Variants in NRXN3 observed in about 807,000 individuals in gnomAD.
NRXN3 encodes the protein neurexin III.
NRXN3 carries 32 observed loss-of-function variants against 137.6 expected under a neutral mutation model. The ratio of observed to expected loss-of-function variants is 0.23; its 90% CI spans 0.18 to 0.31. The LOEUF is 0.31. NRXN3 is among the 10% of genes least tolerant of loss of function. The probability of loss-of-function intolerance (pLI) is 1.00; values close to 1 mark genes in which losing one functional copy is unlikely to be tolerated. For synonymous variants in NRXN3, 798 were observed against 784.5 expected (o/e 1.02, Z -0.29); for missense variants, 1,574 against 2,062.5 (o/e 0.76, Z 4.59).
At chr14:79,129,598 G>C (rs1255603976) in intron 15 of NRXN3, among the ~76,000 whole-genome samples, 29 of 133,496 alleles carry the variant, frequency 2.2e-4, no homozygotes, top group Non-Finnish European at 4.3e-4. Flanking sequence ...TTACTTCCAA[G>C]TATGTGGTCA....
intron 15 of NRXN3, among the ~76,000 whole-genome samples, chr14:79,325,151 A>G (rs538067800): frequency 1.1e-3 from 171 of 152,304 alleles, no homozygotes; most frequent in African/African-American, 4.0e-3. Flanking sequence ...TGAAAAATAA[A>G]CATTAGAAAT....
intron 10 of NRXN3, among the ~76,000 whole-genome samples, chr14:78,837,086 G>A (rs976536463): frequency 6.6e-6 from 1 of 152,180 alleles, no homozygotes; most frequent in Non-Finnish European, 1.5e-5. Flanking sequence ...GAGTTGGGCG[G>A]AGATTAGTGT....
chr14:78,573,286 A>G (rs2096906746), intron 4 of NRXN3, among the ~76,000 whole-genome samples: 1 of 152,204 alleles, frequency 6.6e-6, no homozygotes, highest in Non-Finnish European at 1.5e-5. Context: ...GAGTTCTGCT[A>G]TAAAGATACC....
At chr14:78,946,105 T>C (rs2099364622) in intron 10 of NRXN3, among the ~76,000 whole-genome samples, 1 of 152,218 alleles carries the variant, frequency 6.6e-6, no homozygotes, top group African/African-American at 2.4e-5. Context: ...TTTATGGGAT[T>C]GACGTGAGTA....
intron 16 of NRXN3, among the ~76,000 whole-genome samples, chr14:79,534,814 A>G (rs1359185061): frequency 2.0e-5 from 3 of 152,212 alleles, no homozygotes; most frequent in African/African-American, 7.2e-5. Context: ...TTGTATGACA[A>G]TGAATCAGGA....
chr14:78,910,868 A>T (rs1051732269), intron 10 of NRXN3, among the ~76,000 whole-genome samples: 1 of 152,126 alleles, frequency 6.6e-6, no homozygotes, highest in Non-Finnish European at 1.5e-5. Context: ...AAAACTTCCA[A>T]ACATGTTTCA....
intron 8 of NRXN3, among the ~76,000 whole-genome samples, chr14:78,723,876 T>C (rs755625568): frequency 2.6e-5 from 4 of 152,152 alleles, no homozygotes; most frequent in African/African-American, 9.7e-5. Flanking sequence ...GAGTTTAAAA[T>C]TGAGAAGGTT....
intron 16 of NRXN3, among the ~76,000 whole-genome samples, chr14:79,546,247 T>A (rs1234468834): frequency 6.6e-6 from 1 of 152,172 alleles, no homozygotes; most frequent in Non-Finnish European, 1.5e-5. Context: ...AGTTATGCAA[T>A]TTTGGGCCAT....
rs116056701 is a variant in NRXN3 at position 78,604,063 on chromosome 14, T to A, written c.758-41057T>A. Among the ~76,000 whole-genome samples, 627 of 152,246 alleles carry A rather than the reference T, an allele frequency of 4.1e-3. 7 individuals are homozygous for A. The highest frequency in any genetic ancestry group is 0.014 in the African/African-American group (602 of 41,546). On this transcript the variant is annotated intron_variant, in intron 4 of 20. Transcript: ENST00000335750. ...ATGAAGGAAGAGCAAAGGGATGTCT[T>A]ACACGGAGGCAGGCTAGAGAGAATT...
In NRXN3 at chr14:79,295,891, G is replaced by T. The variant is rs752368678; in HGVS notation, c.3263-171330G>T. Among the ~76,000 whole-genome samples, 18 of 151,886 alleles carry T rather than the reference G, an allele frequency of 1.2e-4. 1 individual carries two copies. Among genetic ancestry groups the T allele is most frequent in the Admixed American group, 1.3e-4 (2 of 15,246 alleles). On this transcript the variant is annotated intron_variant, in intron 15 of 20. Coordinates refer to ENST00000335750, the MANE Select transcript of NRXN3 (RefSeq NM_001330195.2). ...CCAGCCTTCTGTGTTTACTTTTTTC[G>T]CTATAGAAGTTTTCTCATTGAATAA...
chr14:79,781,862 C>T (rs1395550882), intron 19 of NRXN3, among the ~76,000 whole-genome samples: 1 of 152,150 alleles, frequency 6.6e-6, no homozygotes. Flanking sequence ...CTTGTCTATT[C>T]TATGGATGGG....
intron 6 of NRXN3, among the ~76,000 whole-genome samples, chr14:78,685,409 C>T (rs554779185): frequency 1.3e-5 from 2 of 152,198 alleles, no homozygotes; most frequent in Non-Finnish European, 2.9e-5. Flanking sequence ...AGACCTTGTA[C>T]AATCTGGCCC....
At chr14:79,820,619 G>A (rs1256194012) in intron 20 of NRXN3, among the ~76,000 whole-genome samples, 1 of 152,106 alleles carries the variant, frequency 6.6e-6, no homozygotes, top group Non-Finnish European at 1.5e-5. Flanking sequence ...TAGGTATTAA[G>A]CCCAGTATCA....
chr14:78,437,814 G>T (rs1332800117), intron 4 of NRXN3, among the ~76,000 whole-genome samples: 1 of 152,158 alleles, frequency 6.6e-6, no homozygotes, highest in African/African-American at 2.4e-5. Context: ...AATTTCCCAG[G>T]TGATTTTTCA....
chr14:78,248,786 C>T (rs2068121543), intron 2 of NRXN3, among the ~76,000 whole-genome samples: 1 of 152,046 alleles, frequency 6.6e-6, no homozygotes, highest in South Asian at 2.1e-4. Context: ...CTAAGTCTTC[C>T]CTGGTTTGGG....
chr14:79,599,853 G>T (rs1035309807), intron 16 of NRXN3, among the ~76,000 whole-genome samples: 3 of 152,124 alleles, frequency 2.0e-5, no homozygotes, highest in Non-Finnish European at 4.4e-5. Flanking sequence ...AAATTAGCCG[G>T]GTGTGGTGGT....
At chr14:78,248,392 G>C (rs2068065793) in intron 2 of NRXN3, among the ~76,000 whole-genome samples, 1 of 145,904 alleles carries the variant, frequency 6.9e-6, no homozygotes, top group Admixed American at 7.1e-5. Context: ...CCACTGTGTG[G>C]CCTTCGCATG....
chr14:79,212,712 A>G (rs1273109356), intron 15 of NRXN3, among the ~76,000 whole-genome samples: 1 of 152,166 alleles, frequency 6.6e-6, no homozygotes, highest in Non-Finnish European at 1.5e-5. Context: ...TCGTGCCCAA[A>G]TGAGTGTTGG....
Position 79,119,631 on chromosome 14 carries a change from T to C in NRXN3, c.3262+131490T>C, listed in dbSNP as rs181749775. ...GAATCCAAATAGTTCTTTCTCTTTC[T>C]AGCATGTCAAACTAATGTGTCATCC... On this transcript the variant is annotated intron_variant, in intron 15 of 20. Coordinates refer to ENST00000335750, the MANE Select transcript of NRXN3 (RefSeq NM_001330195.2). Among the ~76,000 whole-genome samples, 62 of 152,316 alleles carry C rather than the reference T, an allele frequency of 4.1e-4. No individual in the cohort carries two copies. The East Asian group carries it at 8.3e-3, about 20-fold the overall frequency.
Sources: allele counts gnomAD v4.1 joint callset (sites outside exome capture counted in the v4.1 genomes callset), GRCh38; gene constraint gnomAD v4.1.1; transcripts MANE v1.5; gene names NCBI Gene and HGNC (gene_info 2026-07-23, HGNC 2026-07-21).